The following EGR4 variants were observed in gnomAD, a reference collection of about 807,000 sequenced individuals.
The protein encoded by EGR4 is early growth response protein 4.
In EGR4, 22 loss-of-function variants were observed where a neutral mutation model predicts 25.4. The ratio of observed to expected loss-of-function variants is 0.87; its 90% confidence interval spans 0.62 to 1.24. The LOEUF is 1.24. EGR4 is among the 50% of genes most tolerant of loss of function. The pLI is 0.00. For synonymous variants in EGR4, 375 were observed against 320.1 expected, an observed-to-expected ratio of 1.17 and a Z score of -1.83; for missense variants, 742 against 702.9, an observed-to-expected ratio of 1.06 and a Z score of -0.63.
Position 73,291,815 on chromosome 2 carries a change from G to A in EGR4, c.1103C>T (p.Thr368Met). The change falls in exon 2 of 2, where the codon ACG (threonine) becomes ATG (methionine). Residue 368 changes from threonine (T) to methionine (M), a missense_variant. Thr to Met is a moderately conservative substitution (Grantham distance 81, BLOSUM62 -1). Transcript: ENST00000436467. ...RKGRRGGKCS[T>M]RCFCPRPHAK... Reference sequence around the variant, plus strand: ...GTGCGGCCGCGGGCAGAAGCAGCGCGTGCTGCATTTGCCGCCGCGGCGCCC... The same window carrying A: ...GTGCGGCCGCGGGCAGAAGCAGCGCATGCTGCATTTGCCGCCGCGGCGCCC... 1.3e-6 allele frequency: 2 copies of A among 1,591,832 alleles called. No individual in the cohort carries two copies. The highest frequency in any genetic ancestry group is 1.7e-4 in the Middle Eastern group (1 of 5,984).
chr2:73,291,685 C>T lies in EGR4; in HGVS notation c.1233G>A (p.Gln411=), dbSNP rs1164971035. ...TGAAGTTGCGGAGGCAGATGCGGCACTGGAAGGGTTTGTGGCCCGTGTGGA... is the reference window on the plus strand; with the variant it reads ...TGAAGTTGCGGAGGCAGATGCGGCATTGGAAGGGTTTGTGGCCCGTGTGGA... ...LRIHTGHKPF[Q]CRICLRNFSR... The change falls in exon 2 of 2, where the codon CAG becomes CAA. Residue 411 remains glutamine, a synonymous_variant. Transcript: ENST00000436467. 6.2e-7 allele frequency: 1 copy of T among 1,609,834 alleles called. No homozygotes were observed. Among genetic ancestry groups the T allele is most frequent in the Non-Finnish European group, 8.5e-7 (1 of 1,179,892 alleles).
chr2:73,293,343 C>G lies in EGR4; in HGVS notation c.-26G>C. The G allele has an allele frequency of 3.2e-6, 5 of 1,547,578 alleles. 1 individual carries two copies. The highest frequency in any genetic ancestry group is 2.4e-5 in the South Asian group (2 of 82,834). On this transcript the variant is annotated 5_prime_UTR_variant, in exon 1 of 2. Transcript: ENST00000436467. ...GGCGCGGCGCCGGCTGTGGGGCGCC[C>G]GGGGCCTCGCCCGCTGGGCTTGGGG...
chr2:73,291,960 C>G lies in EGR4; in HGVS notation c.958G>C (p.Ala320Pro). 1 of 1,592,684 alleles carries G rather than the reference C, an allele frequency of 6.3e-7. No individual in the cohort carries two copies. Among genetic ancestry groups the G allele is most frequent in the African/African-American group, 1.3e-5 (1 of 74,550 alleles). The change falls in exon 2 of 2, where the codon GCC becomes CCC. Residue 320 changes from alanine (A) to proline (P), a missense_variant. Coordinates refer to ENST00000436467, the MANE Select transcript of EGR4 (RefSeq NM_001965.4). ...AGAGGTTTAGGGAAGTCCGCCGCGGCGGCGCTGCGAAGGCCCAGCGGGGAA... is the reference window on the plus strand; with the variant it reads ...AGAGGTTTAGGGAAGTCCGCCGCGGGGGCGCTGCGAAGGCCCAGCGGGGAA... ...QLSPLGLRSAAAADFPKPLVA... is the reference protein window; with the variant it reads ...QLSPLGLRSAPAADFPKPLVA...
rs768277545 is a variant in EGR4 at position 73,291,559 on chromosome 2, C to G, written c.1359G>C (p.Lys453Asn). The G allele has an allele frequency of 3.2e-5, 52 of 1,613,448 alleles. No homozygotes were observed. Among genetic ancestry groups the G allele is most frequent in the Non-Finnish European group, 4.2e-5 (49 of 1,179,900 alleles). Residue 453 changes from lysine to asparagine, a missense_variant, in exon 2 of 2, where the codon AAG becomes AAC. By Grantham distance (94) the Lys-to-Asn change is moderately conservative. Transcript: ENST00000436467. The part of the protein sequence containing the change: ...CGRRFARSDE[K>N]KRHSKVHLKQ... ...TGAGGTGCACCTTGCTGTGCCGTTTCTTCTCATCGCTGCGCGCGAAGCGGC... is the reference window on the plus strand; with the variant it reads ...TGAGGTGCACCTTGCTGTGCCGTTTGTTCTCATCGCTGCGCGCGAAGCGGC...
chr2:73,292,698 G>A lies in EGR4; in HGVS notation c.220C>T (p.Pro74Ser). The change falls in exon 2 of 2, where the codon CCC becomes TCC. Residue 74 changes from proline (P) to serine (S), a missense_variant. Pro to Ser is a moderately conservative substitution (Grantham distance 74, BLOSUM62 -1). Transcript: ENST00000436467. Reference sequence around the variant, plus strand: ...TAGCTGAGGCCGGGAGGGGGTGTGGGCGCAGGCCCCTCCAGGAAGCAGGAG... The same window carrying A: ...TAGCTGAGGCCGGGAGGGGGTGTGGACGCAGGCCCCTCCAGGAAGCAGGAG... ...ADSCFLEGPA[P>S]TPPPGLSYSG... The A allele has an allele frequency of 6.6e-7, 1 of 1,508,892 alleles. No individual in the cohort carries two copies. The highest frequency in any genetic ancestry group is 8.9e-7 in the Non-Finnish European group (1 of 1,129,892). 93.5% of individuals were successfully genotyped at this position (1,508,892 alleles called of 1,614,324 possible). A position where few individuals can be genotyped will look rare whatever the true frequency, so the allele number is the denominator to read the frequency against.
intron 1 of EGR4, 40 bp downstream of exon 1, chr2:73,293,142 G>A: frequency 1.4e-6 from 2 of 1,411,432 alleles, no homozygotes; most frequent in Non-Finnish European, 1.9e-6. Flanking sequence ...CCCCCGCGCT[G>A]CGCCGTCGTC....
In EGR4 at chr2:73,292,762, C is replaced by G; in HGVS notation, c.156G>C (p.Trp52Cys). ...GYPGAGDFLS[W>C]ALNSCGASGD... ...CACTTGCGCCGCAGCTGTTCAAAGCCCAGCTCAAGAAGTCGCCTGCTGAGG... is the reference window on the plus strand; with the variant it reads ...CACTTGCGCCGCAGCTGTTCAAAGCGCAGCTCAAGAAGTCGCCTGCTGAGG... The change falls in exon 2 of 2, where the codon TGG becomes TGC. Residue 52 changes from tryptophan to cysteine, a missense_variant. Transcript: ENST00000436467. The G allele has an allele frequency of 6.9e-7, 1 of 1,451,732 alleles. No homozygotes were observed. Among genetic ancestry groups the G allele is most frequent in the Non-Finnish European group, 9.1e-7 (1 of 1,099,488 alleles). The allele number at this position is 1,451,732 out of a possible 1,614,324, so 89.9% of individuals were successfully genotyped here. A position where few individuals can be genotyped will look rare whatever the true frequency, so the allele number is the denominator to read the frequency against.
rs1689111976 is a variant in EGR4, at chr2:73,291,929, G to A, written c.989C>T (p.Ala330Val). 4 of 1,579,952 alleles carry A rather than the reference G, an allele frequency of 2.5e-6. No individual in the cohort carries two copies. The highest frequency in any genetic ancestry group is 1.8e-5 in the Admixed American group (1 of 54,434). ...CACGCCACTGCTTCCAGGGATGTCCGCCACCAGAGGTTTAGGGAAGTCCGC... is the reference window on the plus strand; with the variant it reads ...CACGCCACTGCTTCCAGGGATGTCCACCACCAGAGGTTTAGGGAAGTCCGC... ...AAADFPKPLV[A>V]DIPGSSGVAA... is the part of the protein sequence containing the mutation. The change falls in exon 2 of 2, where the codon GCG (alanine) becomes GTG (valine). Residue 330 changes from alanine (A) to valine (V), a missense_variant. Ala to Val is a moderately conservative substitution (Grantham distance 64). Transcript: ENST00000436467.
Position 73,291,538 on chromosome 2 carries a change from G to A in EGR4, c.1380C>T (p.His460=), listed in dbSNP as rs1451367481. 6.2e-7 allele frequency: 1 copy of A among 1,613,422 alleles called. No individual in the cohort carries two copies. Among genetic ancestry groups the A allele is most frequent in the Non-Finnish European group, 8.5e-7 (1 of 1,179,816 alleles). ...CCTCGGCGCGCGCCTTCTGCTTGAG[G>A]TGCACCTTGCTGTGCCGTTTCTTCT... is the stretch of plus-strand genomic sequence containing the variant. ...SDEKKRHSKV[H]LKQKARAEER... Residue 460 remains histidine (H), a synonymous_variant, in exon 2 of 2, where the codon CAC becomes CAT. Transcript: ENST00000436467.
intron 1 of EGR4, 30 bp from the exon 2 acceptor site, chr2:73,292,811 C>T: frequency 1.4e-6 from 2 of 1,411,192 alleles, no homozygotes; most frequent in Non-Finnish European, 1.9e-6. Context: ...CAGCTCTGGG[C>T]ACATCAAAGG....
Position 73,292,240 on chromosome 2 carries a change from C to A in EGR4, c.678G>T (p.Gln226His). The change falls in exon 2 of 2, where the codon CAG becomes CAT. Residue 226 changes from glutamine to histidine, a missense_variant. By Grantham distance (24) the Gln-to-His change is conservative. Coordinates refer to ENST00000436467, the MANE Select transcript of EGR4 (RefSeq NM_001965.4). ...PGNCGSQGDYQAAPEARFPVI... is the reference protein window; with the variant it reads ...PGNCGSQGDYHAAPEARFPVI... ...CGGGAAAACGAGCCTCCGGGGCGGC[C>A]TGGTAGTCTCCCTGTGACCCACAGT... The A allele has an allele frequency of 1.2e-6, 2 of 1,609,182 alleles. No individual in the cohort carries two copies. The highest frequency in any genetic ancestry group is 8.5e-7 in the Non-Finnish European group (1 of 1,178,062).
rs1689146769 is a variant in EGR4 at position 73,293,237 on chromosome 2, A to G, written c.81T>C (p.Ala27=). ...CCCTGGCAGGCAGCCGGGGCAATTC[A>G]GCGCTGGGTTCGGCGCAACAGCCTT... ...STEGCCAEPS[A]ELPRLPARDA... The change falls in exon 1 of 2, where the codon GCT becomes GCC. Residue 27 remains alanine, a synonymous_variant. Coordinates refer to ENST00000436467, the MANE Select transcript of EGR4 (RefSeq NM_001965.4). 4 of 1,572,596 alleles carry G rather than the reference A, an allele frequency of 2.5e-6. No individual in the cohort carries two copies. The highest frequency in any genetic ancestry group is 3.4e-6 in the Non-Finnish European group (4 of 1,161,340).
Position 73,293,203 on chromosome 2 carries a change from CG to C in EGR4, c.114del (p.Ala39ArgfsTer12). On this transcript the variant is annotated frameshift_variant, in exon 1 of 2. Transcript: ENST00000436467. LOFTEE classifies it high-confidence loss of function. ...TTACCTCCAGGGTAGCCGGTGGCCG[CG>C]GGAGCGTCCCTGGCAGGCAGCCGGG... ...ELPRLPARDA[P>X]AATGYPGAGD... The C allele has an allele frequency of 6.5e-7, 1 of 1,546,822 alleles. No homozygotes were observed. Among genetic ancestry groups the C allele is most frequent in the Non-Finnish European group, 8.7e-7 (1 of 1,146,034 alleles).
chr2:73,292,438 C>T lies in EGR4; in HGVS notation c.480G>A (p.Glu160=), dbSNP rs113117246. 40 of 1,497,216 alleles carry T rather than the reference C, an allele frequency of 2.7e-5. 2 individuals are homozygous for T. In the African/African-American group the frequency reaches 4.1e-4, roughly 15 times the overall value. 92.7% of individuals were successfully genotyped at this position (1,497,216 alleles called of 1,614,324 possible). A position where few individuals can be genotyped will look rare whatever the true frequency, so the allele number is the denominator to read the frequency against. Residue 160 remains glutamate, a synonymous_variant, in exon 2 of 2, where the codon GAG becomes GAA. Transcript: ENST00000436467. ...AGGGGGCACCCGCGCAAGGCGAGGC[C>T]TCCCAGAACGCCTCTGGGAAAGGGG... The part of the protein sequence containing the change: ...GAAPFPEAFW[E]ASPCAGAPSQ...
At position 73,292,581 on chromosome 2, in the gene EGR4, G is replaced by T; in HGVS notation, c.337C>A (p.Pro113Thr). The change falls in exon 2 of 2, where the codon CCC (proline) becomes ACC (threonine). Residue 113 changes from proline (P) to threonine (T), a missense_variant. By Grantham distance (38) the Pro-to-Thr change is conservative. Coordinates refer to ENST00000436467, the MANE Select transcript of EGR4 (RefSeq NM_001965.4). Reference protein sequence around the residue: ...NLMSGILGLAPFPGPEAAASR... With the variant: ...NLMSGILGLATFPGPEAAASR... ...GCTGCTGCCTCTGGACCGGGGAAGG[G>T]TGCCAGGCCTAAGATGCCCGACATG... 1 of 1,513,750 alleles carries T rather than the reference G, an allele frequency of 6.6e-7. No homozygotes were observed. The highest frequency in any genetic ancestry group is 2.3e-5 in the East Asian group (1 of 42,846). 93.8% of individuals were successfully genotyped at this position (1,513,750 alleles called of 1,614,324 possible). A position where few individuals can be genotyped will look rare whatever the true frequency, so the allele number is the denominator to read the frequency against.
intron 1 of EGR4, among the ~76,000 whole-genome samples, 163 bp downstream of exon 1, chr2:73,293,019 G>A (rs1689143195): frequency 2.0e-5 from 3 of 151,930 alleles, no homozygotes; most frequent in Admixed American, 6.6e-5. Context: ...AGGCGCTGGC[G>A]GCCCAGTGTG....
In EGR4 at chr2:73,293,273, G is replaced by C. The variant is rs543817678; in HGVS notation, c.45C>G (p.Val15=). The C allele has an allele frequency of 6.9e-5, 109 of 1,588,182 alleles. No individual in the cohort carries two copies. Among genetic ancestry groups the C allele is most frequent in the Non-Finnish European group, 9.2e-5 (108 of 1,169,740 alleles). Reference sequence around the variant, plus strand: ...CGGCGCAACAGCCTTCAGTGGACTTGACGAGGAGCGCGTCGGGTTCGGAAA... The same window carrying C: ...CGGCGCAACAGCCTTCAGTGGACTTCACGAGGAGCGCGTCGGGTTCGGAAA... ...SEFSEPDALL[V]KSTEGCCAEP... The change falls in exon 1 of 2, where the codon GTC becomes GTG. Residue 15 remains valine (V), a synonymous_variant. Coordinates refer to ENST00000436467, the MANE Select transcript of EGR4 (RefSeq NM_001965.4).
Position 73,291,592 on chromosome 2 carries a change from C to T in EGR4, c.1326G>A (p.Val442=). ...CGCTGCGCGCGAAGCGGCGGCCGCA[C>T]ACGTCGCAAGCAAAAGGCTTCTCGC... ...HTGEKPFACD[V]CGRRFARSDE... is the part of the protein sequence containing the mutation. The change falls in exon 2 of 2, where the codon GTG becomes GTA. Residue 442 remains valine, a synonymous_variant. Transcript: ENST00000436467. 1 of 1,613,186 alleles carries T rather than the reference C, an allele frequency of 6.2e-7. No individual in the cohort carries two copies.
chr2:73,293,322 C>G lies in EGR4; in HGVS notation c.-5G>C. 1 of 1,574,890 alleles carries G rather than the reference C, an allele frequency of 6.3e-7. No individual in the cohort carries two copies. Among genetic ancestry groups the G allele is most frequent in the East Asian group, 2.4e-5 (1 of 42,502 alleles). On this transcript the variant is annotated 5_prime_UTR_variant, in exon 1 of 2. Transcript: ENST00000436467. ...AAACTCGCTAAGGTGGAGCATGGCG[C>G]GGCGCCGGCTGTGGGGCGCCCGGGG...
Sources: allele counts gnomAD v4.1 joint callset (sites outside exome capture counted in the v4.1 genomes callset), GRCh38; gene constraint gnomAD v4.1.1; transcripts MANE v1.5; gene names NCBI Gene and HGNC (gene_info 2026-07-23, HGNC 2026-07-21).